The following MCM9 variants were observed in gnomAD, a reference collection of about 807,000 sequenced individuals.
The protein encoded by MCM9 is DNA helicase MCM9.
Under a neutral mutation model 72.8 loss-of-function variants are expected in MCM9, and 55 were observed. The observed-to-expected ratio is 0.76, with a 90% confidence interval of 0.61 to 0.95. The LOEUF (loss-of-function observed/expected upper bound fraction) is 0.95. Ranked by LOEUF, MCM9 falls within the 40% of genes least tolerant of loss-of-function variation. The pLI is 0.00. For synonymous variants in MCM9, 480 were observed against 503.4 expected, an observed-to-expected ratio of 0.95 and a Z score of 0.62; for missense variants, 1,279 against 1,377.0, an observed-to-expected ratio of 0.93 and a Z score of 1.13.
At chr6:118,916,651 G>A (rs1180776618) in intron 6 of MCM9, among the ~76,000 whole-genome samples, 5 of 151,480 alleles carry the variant, frequency 3.3e-5, no homozygotes, top group African/African-American at 1.2e-4. Flanking sequence ...TAGAGACAAC[G>A]CCACCACACC....
At chr6:118,852,324 T>C (rs531112318) in intron 9 of MCM9, among the ~76,000 whole-genome samples, 2 of 152,218 alleles carry the variant, frequency 1.3e-5, no homozygotes, top group East Asian at 3.9e-4. Context: ...AACTTGACTA[T>C]AAATATGAGT....
chr6:118,827,446 G>T (rs1774237356), intron 11 of MCM9, among the ~76,000 whole-genome samples: 1 of 152,072 alleles, frequency 6.6e-6, no homozygotes, highest in African/African-American at 2.4e-5. Flanking sequence ...TAGAAGAAAA[G>T]AATTAAGATA....
chr6:118,919,067 A>G (rs1203878467), intron 5 of MCM9: 1 of 152,178 alleles, frequency 6.6e-6, no homozygotes. Context: ...TCTGACCCCA[A>G]ATTTCTAGGT....
intron 9 of MCM9, among the ~76,000 whole-genome samples, chr6:118,854,409 G>A (rs1216441160): frequency 2.0e-5 from 3 of 152,060 alleles, no homozygotes; most frequent in Non-Finnish European, 4.4e-5. Flanking sequence ...GGAGCACAGT[G>A]GAGTACGATC....
At chr6:118,906,592 A>T (rs1303750687) in intron 8 of MCM9, among the ~76,000 whole-genome samples, 2 of 152,226 alleles carry the variant, frequency 1.3e-5, no homozygotes, top group East Asian at 3.8e-4. Context: ...ATCTCAAAAC[A>T]CCTATACGCT....
chr6:118,906,417 T>C (rs931206776), intron 8 of MCM9, among the ~76,000 whole-genome samples: 2 of 152,200 alleles, frequency 1.3e-5, no homozygotes, highest in African/African-American at 4.8e-5. Context: ...GCTTTCTTTA[T>C]AGCATTTCCC....
At chr6:118,922,288 A>T (rs1781493310) in intron 4 of MCM9, among the ~76,000 whole-genome samples, 1 of 152,242 alleles carries the variant, frequency 6.6e-6, no homozygotes, top group Non-Finnish European at 1.5e-5. Flanking sequence ...CATATGGAAA[A>T]TATCTCCAAA....
Position 118,917,550 on chromosome 6 carries a change from T to C in MCM9, c.904+11A>G. 1 of 1,613,776 alleles carries C rather than the reference T, an allele frequency of 6.2e-7. No individual in the cohort carries two copies. Among genetic ancestry groups the C allele is most frequent in the Non-Finnish European group, 8.5e-7 (1 of 1,179,714 alleles). Reference sequence around the variant, plus strand: ...ATTAATAATAATCAGTTTTAGCCCTTAAACACAAACCTGCAAAGGGATCGC... The same window carrying C: ...ATTAATAATAATCAGTTTTAGCCCTCAAACACAAACCTGCAAAGGGATCGC... On this transcript the variant is annotated intron_variant, in intron 6 of 13. Coordinates refer to ENST00000619706, the MANE Select transcript of MCM9 (RefSeq NM_017696.3).
At chr6:118,846,073 T>C (rs1439716910) in intron 9 of MCM9, among the ~76,000 whole-genome samples, 1 of 151,832 alleles carries the variant, frequency 6.6e-6, no homozygotes, top group Admixed American at 6.6e-5. Flanking sequence ...AAATATACAG[T>C]AAAAGTCAAC....
intron 9 of MCM9, among the ~76,000 whole-genome samples, chr6:118,840,800 C>T (rs1320963024): frequency 1.6e-5 from 2 of 128,508 alleles, no homozygotes; most frequent in African/African-American, 5.7e-5. Context: ...TACAGTGGTG[C>T]AATCACAGCC....
At chr6:118,892,524 C>T (rs1203493709) in intron 8 of MCM9, among the ~76,000 whole-genome samples, 2 of 152,204 alleles carry the variant, frequency 1.3e-5, no homozygotes, top group African/African-American at 4.8e-5. Context: ...CAGACAACTG[C>T]ATACACCAGT....
chr6:118,905,263 TGAG>T (rs1273737319), intron 8 of MCM9, among the ~76,000 whole-genome samples: 1 of 152,238 alleles, frequency 6.6e-6, no homozygotes, highest in African/African-American at 2.4e-5. Context: ...CAACAGTCTA[TGAG>T]GAGATCATTT....
intron 13 of MCM9, among the ~76,000 whole-genome samples, chr6:118,823,736 C>T (rs905819613): frequency 6.6e-6 from 1 of 151,780 alleles, no homozygotes; most frequent in Non-Finnish European, 1.5e-5. Context: ...AGATATTATA[C>T]CAGAAAGCAG....
chr6:118,880,149 C>T (rs1398553399), intron 8 of MCM9, among the ~76,000 whole-genome samples: 5 of 150,832 alleles, frequency 3.3e-5, no homozygotes, highest in Non-Finnish European at 5.9e-5. Context: ...TGGTTTGTAA[C>T]ATTGGGTCTG....
intron 8 of MCM9, among the ~76,000 whole-genome samples, chr6:118,867,719 A>C (rs1015874479): frequency 1.2e-4 from 19 of 152,140 alleles, no homozygotes; most frequent in African/African-American, 4.3e-4. Context: ...TTGTGTAAAT[A>C]CACTCAATGA....
At chr6:118,878,061 C>A (rs1343084001) in intron 8 of MCM9, among the ~76,000 whole-genome samples, 1 of 152,096 alleles carries the variant, frequency 6.6e-6, no homozygotes, top group East Asian at 1.9e-4. Flanking sequence ...ATTTGGGAGA[C>A]TAAGACAAGA....
At chr6:118,883,434 T>C (rs926692226) in intron 8 of MCM9, among the ~76,000 whole-genome samples, 12 of 125,122 alleles carry the variant, frequency 9.6e-5, no homozygotes, top group African/African-American at 3.2e-4. Context: ...AAAAAATGAC[T>C]GAAAACTCTC....
At chr6:118,824,965 C>T (rs748410007) in intron 13 of MCM9, among the ~76,000 whole-genome samples, 8 of 152,162 alleles carry the variant, frequency 5.3e-5, no homozygotes, top group South Asian at 2.1e-4. Context: ...AATACTCTTT[C>T]GTTTTTCCTT....
intron 8 of MCM9, chr6:118,911,334 T>A: frequency 9.4e-7 from 1 of 1,058,486 alleles, no homozygotes; most frequent in Non-Finnish European, 1.1e-6. Context: ...CTCTTTAGTT[T>A]AACATTCCAG....
Sources: allele counts gnomAD v4.1 joint callset (sites outside exome capture counted in the v4.1 genomes callset), GRCh38; gene constraint gnomAD v4.1.1; transcripts MANE v1.5; gene names NCBI Gene and HGNC (gene_info 2026-07-23, HGNC 2026-07-21).